ERBB4: variants seen among roughly 807,000 people sequenced by gnomAD.
The protein encoded by ERBB4 is erb-b2 receptor tyrosine kinase 4, also known as receptor tyrosine-protein kinase erbB-4.
In ERBB4, 42 loss-of-function variants were observed where a neutral mutation model predicts 158.0. That is an observed-to-expected ratio of 0.27 (90% confidence interval 0.21 to 0.34). The LOEUF is 0.34. ERBB4 is among the 10% of genes least tolerant of loss of function. ERBB4 has a pLI of 1.00. For synonymous variants in ERBB4, 583 were observed against 558.7 expected (o/e 1.04, Z -0.61); for missense variants, 1,333 against 1,624.1 (o/e 0.82, Z 3.08).
intron 4 of ERBB4, among the ~76,000 whole-genome samples, chr2:211,757,047 G>A (rs753711302): frequency 6.6e-6 from 1 of 152,136 alleles, no homozygotes; most frequent in Non-Finnish European, 1.5e-5. Flanking sequence ...TATGATTTGA[G>A]CAAATGCTAC....
intron 20 of ERBB4, among the ~76,000 whole-genome samples, chr2:211,523,992 G>A (rs999269442): frequency 6.6e-6 from 1 of 151,974 alleles, no homozygotes; most frequent in Non-Finnish European, 1.5e-5. Flanking sequence ...TTGACACAAA[G>A]GTTCTCCAAG....
chr2:211,723,433 C>G (rs1418245815), intron 6 of ERBB4, among the ~76,000 whole-genome samples: 2 of 152,124 alleles, frequency 1.3e-5, no homozygotes, highest in Non-Finnish European at 2.9e-5. Flanking sequence ...AATACGAACT[C>G]AAGCTATGAT....
intron 14 of ERBB4, 41 bp downstream of exon 14, chr2:211,673,123 T>C (rs773885014): frequency 1.5e-6 from 2 of 1,333,700 alleles, no homozygotes; most frequent in South Asian, 2.3e-5. Flanking sequence ...TCATACATGA[T>C]ACTAAATAAG....
At chr2:212,028,245 AT>A (rs1434321912) in intron 2 of ERBB4, among the ~76,000 whole-genome samples, 1 of 152,080 alleles carries the variant, frequency 6.6e-6, no homozygotes, top group African/African-American at 2.4e-5. Flanking sequence ...GAATTCTTCA[AT>A]TTCCAAAACT....
intron 3 of ERBB4, among the ~76,000 whole-genome samples, chr2:211,833,096 C>T (rs2077260912): frequency 6.6e-6 from 1 of 151,972 alleles, no homozygotes; most frequent in South Asian, 2.1e-4. Flanking sequence ...TGGAACAGTG[C>T]CTGACAAACA....
chr2:211,375,860 T>A lies in ERBB4; in HGVS notation c.*7755A>T, dbSNP rs2062463586. ...ATGGAATGAGGCAAAGCAGTTCGCA[T>A]TCTATAATTGCCTTGTACAGGTACA... On this transcript the variant is annotated 3_prime_UTR_variant, in exon 28 of 28. Coordinates refer to ENST00000342788, the MANE Select transcript of ERBB4 (RefSeq NM_005235.3). 4.3e-6 allele frequency: 1 copy of A among 232,766 alleles called. No homozygotes were observed. The highest frequency in any genetic ancestry group is 8.5e-6 in the Non-Finnish European group (1 of 117,518). 14.4% of individuals were successfully genotyped at this position (232,766 alleles called of 1,614,324 possible).
chr2:211,917,252 A>C (rs1268580006), intron 3 of ERBB4, among the ~76,000 whole-genome samples: 1 of 152,208 alleles, frequency 6.6e-6, no homozygotes, highest in Non-Finnish European at 1.5e-5. Flanking sequence ...CATAATTTCC[A>C]TATAACTACT....
chr2:211,762,975 T>A (rs961470486), intron 4 of ERBB4, among the ~76,000 whole-genome samples: 1 of 152,290 alleles, frequency 6.6e-6, no homozygotes, highest in Admixed American at 6.5e-5. Context: ...TTTAGCTCTC[T>A]TATCAAATAA....
intron 1 of ERBB4, among the ~76,000 whole-genome samples, chr2:212,170,074 T>A (rs116414653): frequency 0.073 from 11,098 of 151,996 alleles, 567 homozygotes; most frequent in Middle Eastern, 0.13. Context: ...TGGGCAGAGG[T>A]TGGAACAATT....
intron 1 of ERBB4, among the ~76,000 whole-genome samples, chr2:212,410,620 C>T (rs1046623957): frequency 1.3e-5 from 2 of 151,962 alleles, no homozygotes; most frequent in African/African-American, 4.8e-5. Flanking sequence ...AAGTCTAAGA[C>T]TAACTTAAGG....
intron 1 of ERBB4, among the ~76,000 whole-genome samples, chr2:212,444,666 A>G (rs2092315960): frequency 6.6e-6 from 1 of 152,200 alleles, no homozygotes; most frequent in Admixed American, 6.5e-5. Context: ...GCCCAGGAAC[A>G]AAGTGGCCAC....
intron 2 of ERBB4, among the ~76,000 whole-genome samples, chr2:211,987,341 A>AAAAAG (rs1215048952): frequency 8.0e-6 from 1 of 124,410 alleles, no homozygotes; most frequent in Non-Finnish European, 1.6e-5. Flanking sequence ...AAAAAAAAAA[A>AAAAAG]AAAGAAAGAA....
intron 1 of ERBB4, among the ~76,000 whole-genome samples, chr2:212,256,004 T>TTA (rs1396090335): frequency 8.4e-5 from 11 of 130,368 alleles, no homozygotes; most frequent in African/African-American, 1.8e-4. Flanking sequence ...TTTATTTATT[T>TTA]TTTTTTTACA....
At chr2:211,795,662 C>T (rs1037596267) in intron 3 of ERBB4, among the ~76,000 whole-genome samples, 2 of 151,634 alleles carry the variant, frequency 1.3e-5, no homozygotes, top group Non-Finnish European at 2.9e-5. Context: ...TGGCAAAAAC[C>T]ATGCAAAAGA....
intron 2 of ERBB4, among the ~76,000 whole-genome samples, chr2:212,058,490 A>C (rs1354411852): frequency 6.6e-6 from 1 of 152,198 alleles, no homozygotes; most frequent in Non-Finnish European, 1.5e-5. Context: ...ACAACAAAAA[A>C]AGAGAATTTT....
At chr2:212,463,845 T>C (rs1688697555) in intron 1 of ERBB4, among the ~76,000 whole-genome samples, 2 of 152,140 alleles carry the variant, frequency 1.3e-5, no homozygotes, top group South Asian at 2.1e-4. Context: ...TGGAAAGACA[T>C]TGAGAAACTT....
intron 1 of ERBB4, among the ~76,000 whole-genome samples, chr2:212,183,663 T>G (rs570132878): frequency 1.3e-5 from 2 of 152,174 alleles, no homozygotes; most frequent in East Asian, 3.9e-4. Flanking sequence ...TGCTACACTT[T>G]CAGTTAATTT....
chr2:211,772,792 T>A (rs1452602828), intron 4 of ERBB4, among the ~76,000 whole-genome samples: 28 of 124,268 alleles, frequency 2.3e-4, no homozygotes, highest in African/African-American at 6.9e-4. Flanking sequence ...ACTACAGGTA[T>A]ACTTCACCAT....
intron 1 of ERBB4, among the ~76,000 whole-genome samples, chr2:212,191,680 GTT>G (rs2082220295): frequency 5.8e-5 from 3 of 51,826 alleles, no homozygotes; most frequent in African/African-American, 1.6e-4. Context: ...TATCGCGTGT[GTT>G]ATACATGTTA....
Sources: gnomAD v4.1 joint callset for allele counts (sites outside exome capture counted in the v4.1 genomes callset) on GRCh38, gnomAD v4.1.1 for gene constraint, MANE v1.5 for transcripts, NCBI Gene and HGNC (gene_info 2026-07-23, HGNC 2026-07-21) for gene names.